NRXN3: variants seen among roughly 807,000 people sequenced by gnomAD.
NRXN3 encodes neurexin 3.
In NRXN3, 32 loss-of-function variants were observed where a neutral mutation model predicts 137.6. That is an observed-to-expected ratio of 0.23 (90% CI 0.18 to 0.31). The LOEUF (loss-of-function observed/expected upper bound fraction) is 0.31, where lower values mean the gene tolerates loss of function less well. NRXN3 is among the 10% of genes least tolerant of loss of function. The pLI, the probability that NRXN3 is intolerant of heterozygous loss-of-function variation, is 1.00. For missense variants in NRXN3, 1,574 were observed against 2,062.5 expected, an observed-to-expected ratio of 0.76 and a Z score of 4.59; for synonymous variants, 798 against 784.5, an observed-to-expected ratio of 1.02 and a Z score of -0.29.
intron 3 of NRXN3, among the ~76,000 whole-genome samples, chr14:78,287,808 T>C (rs1048480371): frequency 1.1e-4 from 16 of 152,214 alleles, no homozygotes; most frequent in Non-Finnish European, 2.4e-4. Flanking sequence ...CTCCAGTTTT[T>C]TTTTTAAGCA....
intron 4 of NRXN3, among the ~76,000 whole-genome samples, chr14:78,546,330 T>C (rs2096636334): frequency 6.6e-6 from 1 of 152,234 alleles, no homozygotes; most frequent in Admixed American, 6.5e-5. Context: ...TGAGCATTTT[T>C]GCATTTGTTT....
At chr14:78,185,067 G>A (rs1258153022) in intron 1 of NRXN3, among the ~76,000 whole-genome samples, 1 of 152,210 alleles carries the variant, frequency 6.6e-6, no homozygotes, top group African/African-American at 2.4e-5. Flanking sequence ...CTGGCACTGT[G>A]TGGGCTTCCA....
intron 16 of NRXN3, among the ~76,000 whole-genome samples, chr14:79,467,771 G>T (rs543055760): frequency 6.6e-6 from 1 of 152,252 alleles, no homozygotes; most frequent in East Asian, 1.9e-4. Context: ...CAATCTCCTA[G>T]GCTGGGATTT....
intron 19 of NRXN3, among the ~76,000 whole-genome samples, chr14:79,744,035 A>G (rs1368760195): frequency 6.6e-6 from 1 of 152,190 alleles, no homozygotes; most frequent in African/African-American, 2.4e-5. Context: ...GCTTCCTAAT[A>G]CTTACATTGT....
intron 4 of NRXN3, chr14:78,615,110 A>G: frequency 2.2e-6 from 1 of 456,658 alleles, no homozygotes; most frequent in Non-Finnish European, 4.4e-6. Flanking sequence ...AACAACTGGA[A>G]GTGGATAGAA....
chr14:79,286,921 C>A (rs963576177), intron 15 of NRXN3, among the ~76,000 whole-genome samples: 3 of 152,146 alleles, frequency 2.0e-5, no homozygotes, highest in African/African-American at 7.2e-5. Context: ...ATACTTATAT[C>A]ACAGAAATTG....
intron 4 of NRXN3, among the ~76,000 whole-genome samples, chr14:78,456,233 G>A (rs1301261022): frequency 6.6e-6 from 1 of 152,156 alleles, no homozygotes; most frequent in Middle Eastern, 3.2e-3. Context: ...GCTCCAAGTG[G>A]CAGCATCTCT....
At chr14:78,485,729 C>T (rs1478633361) in intron 4 of NRXN3, among the ~76,000 whole-genome samples, 1 of 152,082 alleles carries the variant, frequency 6.6e-6, no homozygotes. Context: ...CTTATCTCTT[C>T]TATGTTTCAA....
At chr14:78,517,614 C>T (rs2096228770) in intron 4 of NRXN3, among the ~76,000 whole-genome samples, 1 of 152,176 alleles carries the variant, frequency 6.6e-6, no homozygotes, top group Non-Finnish European at 1.5e-5. Context: ...AGCTGCCAGA[C>T]AGGCTGCTGT....
intron 4 of NRXN3, among the ~76,000 whole-genome samples, chr14:78,614,396 A>G (rs1188649453): frequency 6.6e-6 from 1 of 152,258 alleles, no homozygotes; most frequent in Admixed American, 6.5e-5. Context: ...GCCTACTTTT[A>G]CATATGAAAA....
chr14:79,811,581 CTTTTTT>C (rs370942970), intron 20 of NRXN3, among the ~76,000 whole-genome samples: 2,442 of 116,608 alleles, frequency 0.021, 70 homozygotes, highest in African/African-American at 0.07. Flanking sequence ...TTTCTTTTTT[CTTTTTT>C]TTTTTTTTTT....
intron 4 of NRXN3, among the ~76,000 whole-genome samples, chr14:78,317,798 C>T (rs2078884930): frequency 6.6e-6 from 1 of 152,176 alleles, no homozygotes; most frequent in Non-Finnish European, 1.5e-5. Context: ...CAACTCGACA[C>T]TCATCTATAT....
At chr14:78,186,662 A>T (rs1051919655) in intron 1 of NRXN3, among the ~76,000 whole-genome samples, 1 of 152,110 alleles carries the variant, frequency 6.6e-6, no homozygotes, top group African/African-American at 2.4e-5. Context: ...AAGCCTTTTT[A>T]ATAGGGGGTC....
At chr14:78,900,941 C>T (rs2099193937) in intron 10 of NRXN3, among the ~76,000 whole-genome samples, 1 of 152,050 alleles carries the variant, frequency 6.6e-6, no homozygotes, top group South Asian at 2.1e-4. Context: ...CCAAGGACAT[C>T]AAATGACTCG....
chr14:79,298,804 G>T (rs1020536106), intron 15 of NRXN3: 1 of 152,226 alleles, frequency 6.6e-6, no homozygotes, highest in African/African-American at 2.4e-5. Context: ...GAAATGGCAG[G>T]GGGATTTCCT....
chr14:79,584,483 G>A (rs2097749042), intron 16 of NRXN3, among the ~76,000 whole-genome samples: 2 of 152,280 alleles, frequency 1.3e-5, no homozygotes, highest in African/African-American at 4.8e-5. Context: ...AGGTGATTAG[G>A]GATGGGGGAG....
At chr14:78,329,308 G>A (rs867747455) in intron 4 of NRXN3, among the ~76,000 whole-genome samples, 4 of 152,122 alleles carry the variant, frequency 2.6e-5, no homozygotes, top group African/African-American at 9.7e-5. Flanking sequence ...GAATCATTCT[G>A]CAACACGAGG....
intron 1 of NRXN3, among the ~76,000 whole-genome samples, chr14:78,211,720 C>T (rs1291552120): frequency 6.6e-6 from 1 of 152,200 alleles, no homozygotes; most frequent in Non-Finnish European, 1.5e-5. Context: ...GTAATTGCTT[C>T]CTGACATTTG....
At chr14:79,446,131 C>A (rs768744859) in intron 15 of NRXN3, among the ~76,000 whole-genome samples, 1 of 151,994 alleles carries the variant, frequency 6.6e-6, no homozygotes, top group South Asian at 2.1e-4. Flanking sequence ...GAATAAGAAC[C>A]GTGAAGAAAA....
Sources: allele counts gnomAD v4.1 joint callset (sites outside exome capture counted in the v4.1 genomes callset), GRCh38; gene constraint gnomAD v4.1.1; transcripts MANE v1.5; gene names NCBI Gene and HGNC (gene_info 2026-07-23, HGNC 2026-07-21).